Variants in RNF150 observed in about 807,000 individuals in gnomAD.
RNF150 encodes ring finger protein 150.
RNF150 carries 24 observed loss-of-function variants against 39.3 expected under a neutral mutation model. That is an observed-to-expected ratio of 0.61 (90% confidence interval 0.44 to 0.86). RNF150 has a LOEUF of 0.86. RNF150 is among the 40% of genes least tolerant of loss of function. The probability of loss-of-function intolerance (pLI) is 0.00; values close to 1 mark genes in which losing one functional copy is unlikely to be tolerated. For synonymous variants in RNF150, 255 were observed against 227.3 expected, an observed-to-expected ratio of 1.12 and a Z score of -1.10; for missense variants, 502 against 587.8, an observed-to-expected ratio of 0.85 and a Z score of 1.51.
At chr4:141,060,733 A>T (rs1560715292) in intron 1 of RNF150, among the ~76,000 whole-genome samples, 1 of 152,238 alleles carries the variant, frequency 6.6e-6, no homozygotes, top group Non-Finnish European at 1.5e-5. Context: ...AAGACCTGGA[A>T]CCAACCCAAA....
intron 1 of RNF150, among the ~76,000 whole-genome samples, chr4:140,991,295 T>C (rs1032748665): frequency 9.2e-5 from 14 of 152,186 alleles, no homozygotes; most frequent in African/African-American, 3.4e-4. Flanking sequence ...ATTCTGCAGG[T>C]TGCCTGTTCA....
chr4:141,027,912 GTTTTTTTTTTTTTGT>G (rs1345489640), intron 1 of RNF150, among the ~76,000 whole-genome samples: 6 of 27,102 alleles, frequency 2.2e-4, no homozygotes, highest in Non-Finnish European at 4.3e-4. Flanking sequence ...CTTGGAATTT[GTTTTTTTTTTTTTGT>G]TTTTTTTTTT....
At chr4:140,961,609 C>T (rs73857149) in intron 2 of RNF150, among the ~76,000 whole-genome samples, 2,720 of 152,164 alleles carry the variant, frequency 0.018, 80 homozygotes, top group African/African-American at 0.061. Flanking sequence ...TGGAGTGGAA[C>T]ACTGGCCATT....
At chr4:140,987,296 C>T (rs952715785) in intron 1 of RNF150, among the ~76,000 whole-genome samples, 1 of 151,952 alleles carries the variant, frequency 6.6e-6, no homozygotes, top group African/African-American at 2.4e-5. Flanking sequence ...CAAAAAAGAG[C>T]CCAAATAGTC....
At chr4:141,036,328 C>T (rs1407414048) in intron 1 of RNF150, among the ~76,000 whole-genome samples, 1 of 152,110 alleles carries the variant, frequency 6.6e-6, no homozygotes, top group Non-Finnish European at 1.5e-5. Context: ...GTTGAGGGGC[C>T]AGATCACAAT....
chr4:141,212,209 T>A (rs1478174320), intron 1 of RNF150, among the ~76,000 whole-genome samples: 1 of 152,120 alleles, frequency 6.6e-6, no homozygotes, highest in Non-Finnish European at 1.5e-5. Context: ...GGGCTGTGGA[T>A]CTCCAACAGC....
chr4:141,099,689 G>C (rs917525297), intron 1 of RNF150, among the ~76,000 whole-genome samples: 1 of 152,098 alleles, frequency 6.6e-6, no homozygotes, highest in East Asian at 1.9e-4. Context: ...ATGGATAAAT[G>C]AGAGATTAGA....
At chr4:140,942,900 C>T (rs1447135853) in intron 4 of RNF150, among the ~76,000 whole-genome samples, 1 of 152,164 alleles carries the variant, frequency 6.6e-6, no homozygotes, top group African/African-American at 2.4e-5. Flanking sequence ...AATAATAACC[C>T]AGCAGGACAT....
intron 1 of RNF150, among the ~76,000 whole-genome samples, chr4:141,058,531 C>T (rs987631414): frequency 6.6e-6 from 1 of 152,144 alleles, no homozygotes; most frequent in Non-Finnish European, 1.5e-5. Context: ...GAATATTCCA[C>T]CTTCATGTAG....
chr4:140,987,764 A>G (rs1734061194), intron 1 of RNF150, among the ~76,000 whole-genome samples: 1 of 152,094 alleles, frequency 6.6e-6, no homozygotes, highest in African/African-American at 2.4e-5. Context: ...CAAGTGGGAC[A>G]TAGTTAAACT....
intron 1 of RNF150, among the ~76,000 whole-genome samples, chr4:141,159,772 G>A (rs929145937): frequency 6.6e-6 from 1 of 152,092 alleles, no homozygotes; most frequent in African/African-American, 2.4e-5. Context: ...TCCAACTTAC[G>A]GGTTCAAGTG....
chr4:141,042,842 G>A (rs1578662343), intron 1 of RNF150, among the ~76,000 whole-genome samples: 1 of 152,048 alleles, frequency 6.6e-6, no homozygotes, highest in African/African-American at 2.4e-5. Flanking sequence ...CATTCCAAAT[G>A]CACACACATA....
intron 2 of RNF150, among the ~76,000 whole-genome samples, chr4:140,954,980 G>T (rs1732694595): frequency 6.6e-6 from 1 of 151,592 alleles, no homozygotes; most frequent in Non-Finnish European, 1.5e-5. Flanking sequence ...CATGTTCATT[G>T]TCATCATCAC....
chr4:141,209,434 T>A (rs1187211434), intron 1 of RNF150, among the ~76,000 whole-genome samples: 1 of 152,200 alleles, frequency 6.6e-6, no homozygotes, highest in East Asian at 1.9e-4. Flanking sequence ...ACAGTTGAGC[T>A]GATTTGCAGT....
intron 5 of RNF150, among the ~76,000 whole-genome samples, chr4:140,925,714 A>G (rs567695009): frequency 3.0e-4 from 45 of 152,306 alleles, no homozygotes; most frequent in Admixed American, 1.0e-3. Flanking sequence ...GCAGCCCAGA[A>G]GAGAAGCCAA....
At chr4:140,935,337 CT>C (rs1731822728) in intron 4 of RNF150, among the ~76,000 whole-genome samples, 1 of 151,756 alleles carries the variant, frequency 6.6e-6, no homozygotes, top group South Asian at 2.1e-4. Context: ...CCTTGGGTTT[CT>C]GGCAGAGGGA....
In RNF150 at chr4:140,867,682, T is replaced by C. The variant is rs1238462004; in HGVS notation, c.*579A>G. On this transcript the variant is annotated 3_prime_UTR_variant, in exon 7 of 7. Transcript: ENST00000515673. Reference sequence around the variant, plus strand: ...CTTAATGAAAGCTGGCCTTAGTCCATTTCAGGGTGCTGAGGCACTTCTCAA... The same window carrying C: ...CTTAATGAAAGCTGGCCTTAGTCCACTTCAGGGTGCTGAGGCACTTCTCAA... The C allele has an allele frequency of 1.3e-5, 2 of 152,238 alleles. No homozygotes were observed. Among genetic ancestry groups the C allele is most frequent in the Non-Finnish European group, 2.9e-5 (2 of 68,088 alleles). The allele number at this position is 152,238 out of a possible 1,614,324, so 9.4% of individuals were successfully genotyped here. A position where few individuals can be genotyped will look rare whatever the true frequency, so the allele number is the denominator to read the frequency against.
chr4:141,161,687 G>A (rs748145076), intron 1 of RNF150, among the ~76,000 whole-genome samples: 28 of 152,194 alleles, frequency 1.8e-4, no homozygotes, highest in Admixed American at 4.6e-4. Flanking sequence ...CCAGTGTCCT[G>A]CACAGCCTTA....
chr4:141,175,221 T>C (rs1361685794), intron 1 of RNF150, among the ~76,000 whole-genome samples: 2 of 152,184 alleles, frequency 1.3e-5, no homozygotes, highest in Non-Finnish European at 2.9e-5. Context: ...CTGTGCAACC[T>C]TGGGAAATTG....
Sources: gnomAD v4.1 joint callset for allele counts (sites outside exome capture counted in the v4.1 genomes callset) on GRCh38, gnomAD v4.1.1 for gene constraint, MANE v1.5 for transcripts, NCBI Gene and HGNC (gene_info 2026-07-23, HGNC 2026-07-21) for gene names.